The following ZNF804A variants were observed in gnomAD, a reference collection of about 807,000 sequenced individuals.
ZNF804A encodes zinc finger protein 804A.
In ZNF804A, 2 loss-of-function variants were observed where a neutral mutation model predicts 16.5. That is an observed-to-expected ratio of 0.12 (90% CI 0.05 to 0.38). The LOEUF is 0.38. Among genes scored for constraint, ZNF804A ranks in the 10% least tolerant of loss-of-function variants. ZNF804A has a pLI of 0.99. For synonymous variants in ZNF804A, 534 were observed against 489.6 expected (o/e 1.09, Z -1.20); for missense variants, 1,473 against 1,390.7 (o/e 1.06, Z -0.94).
chr2:184,687,346 C>A (rs1390892001), intron 1 of ZNF804A, among the ~76,000 whole-genome samples: 4 of 152,070 alleles, frequency 2.6e-5, no homozygotes, highest in African/African-American at 9.7e-5. Context: ...GTATATATTG[C>A]TGGAAGATGT....
At chr2:184,676,855 A>G (rs1033756341) in intron 1 of ZNF804A, among the ~76,000 whole-genome samples, 1 of 151,800 alleles carries the variant, frequency 6.6e-6, no homozygotes, top group Non-Finnish European at 1.5e-5. Context: ...TACATTAAAA[A>G]ACAAAACTGT....
chr2:184,775,309 T>C (rs1694270319), intron 1 of ZNF804A, among the ~76,000 whole-genome samples: 1 of 151,676 alleles, frequency 6.6e-6, no homozygotes, highest in South Asian at 2.1e-4. Context: ...GACAGGTTAT[T>C]TACCTAGTTT....
At chr2:184,674,315 T>A (rs914320167) in intron 1 of ZNF804A, among the ~76,000 whole-genome samples, 1 of 152,020 alleles carries the variant, frequency 6.6e-6, no homozygotes, top group South Asian at 2.1e-4. Flanking sequence ...AAACTAATAA[T>A]CTTAAAGCAT....
chr2:184,883,767 A>T (rs1394520697), intron 2 of ZNF804A, among the ~76,000 whole-genome samples: 1 of 151,986 alleles, frequency 6.6e-6, no homozygotes, highest in East Asian at 1.9e-4. Flanking sequence ...CGCATTAAAA[A>T]CCCTCAACAA....
chr2:184,691,349 A>G (rs1314210333), intron 1 of ZNF804A, among the ~76,000 whole-genome samples: 1 of 151,964 alleles, frequency 6.6e-6, no homozygotes, highest in Non-Finnish European at 1.5e-5. Context: ...GAATAAGTTG[A>G]TGCTCTACAG....
chr2:184,689,064 T>C (rs1196690201), intron 1 of ZNF804A, among the ~76,000 whole-genome samples: 2 of 152,146 alleles, frequency 1.3e-5, no homozygotes, highest in Non-Finnish European at 2.9e-5. Context: ...TAGTAGAATA[T>C]GGAATATTCT....
intron 1 of ZNF804A, among the ~76,000 whole-genome samples, chr2:184,805,737 C>G (rs1174165078): frequency 6.6e-6 from 1 of 151,862 alleles, no homozygotes; most frequent in Non-Finnish European, 1.5e-5. Context: ...ACTAAGGAAA[C>G]GTGCAAATAT....
intron 1 of ZNF804A, among the ~76,000 whole-genome samples, chr2:184,609,353 A>G (rs1406222064): frequency 2.0e-5 from 3 of 152,320 alleles, no homozygotes; most frequent in Admixed American, 6.5e-5. Context: ...TCTGAGCTTC[A>G]GAGTTCTCTC....
chr2:184,871,105 T>C (rs935091950), intron 2 of ZNF804A, among the ~76,000 whole-genome samples: 25 of 151,018 alleles, frequency 1.7e-4, no homozygotes, highest in Admixed American at 1.3e-3. Context: ...TACTACAAAA[T>C]AAATAGATCT....
At chr2:184,627,234 T>C (rs1691520282) in intron 1 of ZNF804A, among the ~76,000 whole-genome samples, 1 of 152,130 alleles carries the variant, frequency 6.6e-6, no homozygotes, top group Admixed American at 6.5e-5. Context: ...TGACTTATTT[T>C]ATTAGTACAT....
At chr2:184,776,746 C>T (rs775303197) in intron 1 of ZNF804A, among the ~76,000 whole-genome samples, 11 of 151,304 alleles carry the variant, frequency 7.3e-5, no homozygotes, top group Non-Finnish European at 1.5e-4. Flanking sequence ...AACTAGTACC[C>T]CAGGGATTAG....
At chr2:184,735,095 T>C (rs1439071077) in intron 1 of ZNF804A, among the ~76,000 whole-genome samples, 1 of 152,156 alleles carries the variant, frequency 6.6e-6, no homozygotes, top group African/African-American at 2.4e-5. Context: ...GTGGATCTTG[T>C]TTTTTAACCC....
chr2:184,878,788 C>T (rs1013454665), intron 2 of ZNF804A, among the ~76,000 whole-genome samples: 2 of 151,830 alleles, frequency 1.3e-5, no homozygotes, highest in Non-Finnish European at 2.9e-5. Context: ...CATATTTTAC[C>T]AATGAGCCCT....
At chr2:184,904,435 CTAAA>C (rs2105828803) in intron 2 of ZNF804A, among the ~76,000 whole-genome samples, 1 of 152,138 alleles carries the variant, frequency 6.6e-6, no homozygotes, top group South Asian at 2.1e-4. Context: ...CAGATAGAAG[CTAAA>C]TAGTCGACTA....
At chr2:184,859,798 C>T (rs140426642) in intron 1 of ZNF804A, among the ~76,000 whole-genome samples, 48 of 152,338 alleles carry the variant, frequency 3.2e-4, no homozygotes, top group Middle Eastern at 3.4e-3. Flanking sequence ...CATGATTCAA[C>T]AGTTGGCTTA....
At chr2:184,673,930 T>C (rs1403349483) in intron 1 of ZNF804A, among the ~76,000 whole-genome samples, 3 of 152,156 alleles carry the variant, frequency 2.0e-5, no homozygotes, top group African/African-American at 7.2e-5. Context: ...TAAAAATCAA[T>C]AGTTTGACTT....
chr2:184,624,494 C>G (rs12613195), intron 1 of ZNF804A, among the ~76,000 whole-genome samples: 39,383 of 152,068 alleles, frequency 0.26, 6,217 homozygotes, highest in East Asian at 0.49. Flanking sequence ...TTTCAGAGCA[C>G]TAGCAATGAT....
intron 1 of ZNF804A, among the ~76,000 whole-genome samples, chr2:184,700,188 A>T (rs1382414545): frequency 6.6e-6 from 1 of 152,120 alleles, no homozygotes; most frequent in Non-Finnish European, 1.5e-5. Context: ...ATTTCTTCTA[A>T]AAGTGTTTTC....
intron 2 of ZNF804A, among the ~76,000 whole-genome samples, chr2:184,904,690 T>A (rs185766025): frequency 1.4e-4 from 22 of 152,202 alleles, no homozygotes; most frequent in Non-Finnish European, 3.1e-4. Flanking sequence ...TAATTAATTT[T>A]GAGTCATGAC....
Sources: allele counts gnomAD v4.1 joint callset (sites outside exome capture counted in the v4.1 genomes callset), GRCh38; gene constraint gnomAD v4.1.1; transcripts MANE v1.5; gene names NCBI Gene and HGNC (gene_info 2026-07-23, HGNC 2026-07-21).